The following MEF2D variants were observed in gnomAD, a reference collection of about 807,000 sequenced individuals.
MEF2D encodes the protein myocyte-specific enhancer factor 2D.
In MEF2D, 10 loss-of-function variants were observed where a neutral mutation model predicts 59.3. The ratio of observed to expected loss-of-function variants is 0.17; its 90% CI spans 0.10 to 0.29. The LOEUF is 0.29. Ranked by LOEUF, MEF2D falls within the 10% of genes least tolerant of loss-of-function variation. MEF2D has a pLI of 1.00. For synonymous variants in MEF2D, 305 were observed against 295.0 expected (o/e 1.03, Z -0.35); for missense variants, 508 against 699.4 (o/e 0.73, Z 3.09).
At chr1:156,469,120 G>A in intron 9 of MEF2D, 100 bp from the exon 10 acceptor site, 3 of 1,449,662 alleles carry the variant, frequency 2.1e-6, no homozygotes, top group Non-Finnish European at 2.8e-6. Context: ...TGAGGGGACA[G>A]GGAGTGTGTA....
At chr1:156,479,246 G>T (rs749600730) in intron 6 of MEF2D, 44 bp downstream of exon 6, 4 of 1,550,900 alleles carry the variant, frequency 2.6e-6, no homozygotes, top group Non-Finnish European at 2.6e-6. Flanking sequence ...GCCACTGAGC[G>T]GGCACCCCTC....
intron 1 of MEF2D, among the ~76,000 whole-genome samples, chr1:156,489,370 G>C (rs1485685767): frequency 6.6e-6 from 1 of 152,168 alleles, no homozygotes; most frequent in Non-Finnish European, 1.5e-5. Context: ...ACTAACGAGG[G>C]AGGAGGCGTG....
chr1:156,497,882 G>A (rs1249116057), intron 1 of MEF2D, among the ~76,000 whole-genome samples: 1 of 151,926 alleles, frequency 6.6e-6, no homozygotes, highest in Non-Finnish European at 1.5e-5. Context: ...GGGGGTATAA[G>A]AGCCAGGGAC....
rs144968477 is a variant in MEF2D, at chr1:156,469,712, A to T, written c.1007-692T>A. 7.9e-5 allele frequency among the ~76,000 whole-genome samples: 12 copies of T among 151,870 alleles called. No homozygotes were observed. In the East Asian group the frequency reaches 2.3e-3, roughly 30 times the overall value. On this transcript the variant is annotated intron_variant, in intron 9 of 11. Coordinates refer to ENST00000348159, the MANE Select transcript of MEF2D (RefSeq NM_005920.4). ...AGACCAGACTGGGCAACATAAGGAGACTCCATCTCTACAAATAGCTTAAAA... is the reference window on the plus strand; with the variant it reads ...AGACCAGACTGGGCAACATAAGGAGTCTCCATCTCTACAAATAGCTTAAAA...
rs567725405 is a variant in MEF2D, at chr1:156,498,610, C to G, written c.-139+1876G>C. On this transcript the variant is annotated intron_variant, in intron 1 of 11. Coordinates refer to ENST00000348159, the MANE Select transcript of MEF2D (RefSeq NM_005920.4). The stretch of plus-strand genomic sequence containing the variant: ...CCCTTCCTCCCTTCCCCCCTCCCCC[C>G]CTTCCCCCCAGAGAGACCAGAGACC... 5.9e-5 allele frequency among the ~76,000 whole-genome samples: 9 copies of G among 152,176 alleles called. No homozygotes were observed. In the South Asian group the frequency reaches 1.7e-3, roughly 28 times the overall value.
At position 156,467,627 on chromosome 1, in the gene MEF2D, G is replaced by T. The variant is rs2101968849; in HGVS notation, c.*18C>A. The T allele has an allele frequency of 7.6e-7, 1 of 1,321,820 alleles. No individual in the cohort carries two copies. Among genetic ancestry groups the T allele is most frequent in the East Asian group, 2.8e-5 (1 of 35,818 alleles). The allele number at this position is 1,321,820 out of a possible 1,614,324, so 81.9% of individuals were successfully genotyped here. A position where few individuals can be genotyped will look rare whatever the true frequency, so the allele number is the denominator to read the frequency against. On this transcript the variant is annotated 3_prime_UTR_variant, in exon 12 of 12. Coordinates refer to ENST00000348159, the MANE Select transcript of MEF2D (RefSeq NM_005920.4). ...CAACTCTTCATCAGGGAGGCTGAGA[G>T]GAGGGGAGTGGGAATCGTCACTTTA...
rs753072628 is a variant in MEF2D, at chr1:156,475,180, C to T, written c.934G>A (p.Val312Ile). 2 of 1,614,162 alleles carry T rather than the reference C, an allele frequency of 1.2e-6. No individual in the cohort carries two copies. The highest frequency in any genetic ancestry group is 2.2e-5 in the East Asian group (1 of 44,882). Residue 312 changes from valine to isoleucine, a missense_variant, in exon 9 of 12, where the codon GTT (valine) becomes ATT (isoleucine). Val to Ile is a conservative substitution (Grantham distance 29, BLOSUM62 3). Transcript: ENST00000348159. ...QSTHSLTTPV[V>I]SVATPSLLSQ... ...AGTAAACTCGGCGTTGCCACAGAAACCACTGGGGTGGTGAGCGAATGAGTA... is the reference window on the plus strand; with the variant it reads ...AGTAAACTCGGCGTTGCCACAGAAATCACTGGGGTGGTGAGCGAATGAGTA...
At chr1:156,486,549 C>T (rs535845687) in intron 1 of MEF2D, among the ~76,000 whole-genome samples, 20 of 152,328 alleles carry the variant, frequency 1.3e-4, no homozygotes, top group South Asian at 8.3e-4. Flanking sequence ...ACCTTTAGTT[C>T]ATAACCGAAT....
chr1:156,468,082 C>T lies in MEF2D; in HGVS notation c.1465G>A (p.Asp489Asn), dbSNP rs370914531. Residue 489 changes from aspartate to asparagine, a missense_variant, in exon 11 of 12, where the codon GAC becomes AAC. Around this residue, in one of 2 missense-constraint regions of MEF2D, gnomAD observed 481 missense variants for 584.7 expected, o/e 0.82. Transcript: ENST00000348159. The surrounding 1 kb of genome is among the most constrained non-coding windows in gnomAD (Gnocchi z 4.3). ...AGCAGGCCCAGTGTGGGCCCGAAGT[C>T]CCCCCGTCCGTCATCCCGGTCTCCC... ...ETGDRDDGRG[D>N]FGPTLGLLRP... 27 of 1,614,062 alleles carry T rather than the reference C, an allele frequency of 1.7e-5. No individual in the cohort carries two copies. Among genetic ancestry groups the T allele is most frequent in the East Asian group, 2.2e-5 (1 of 44,876 alleles).
chr1:156,482,903 A>C (rs1329873051), intron 2 of MEF2D, among the ~76,000 whole-genome samples: 2 of 152,206 alleles, frequency 1.3e-5, no homozygotes, highest in Non-Finnish European at 2.9e-5. Flanking sequence ...TCTGTGCTGG[A>C]GGCTATGAAG....
At chr1:156,490,069 C>A (rs1672684829) in intron 1 of MEF2D, among the ~76,000 whole-genome samples, 1 of 152,214 alleles carries the variant, frequency 6.6e-6, no homozygotes, top group African/African-American at 2.4e-5. Flanking sequence ...GTGGTTCACA[C>A]AGTGAGCTCT....
chr1:156,494,716 C>G (rs1673029173), intron 1 of MEF2D, among the ~76,000 whole-genome samples: 1 of 152,238 alleles, frequency 6.6e-6, no homozygotes, highest in East Asian at 1.9e-4. Context: ...AACTCCTTCC[C>G]TTCCCATGTG....
At chr1:156,485,036 G>A (rs1571252391) in intron 1 of MEF2D, among the ~76,000 whole-genome samples, 2 of 152,188 alleles carry the variant, frequency 1.3e-5, no homozygotes, top group South Asian at 2.1e-4. Context: ...GTCCTGGGAG[G>A]AGCCTGGACC....
chr1:156,479,938 G>T, intron 4 of MEF2D, 142 bp from the exon 5 acceptor site: 1 of 776,294 alleles, frequency 1.3e-6, no homozygotes, highest in Non-Finnish European at 2.0e-6. Context: ...CCTGCCCTGT[G>T]CCCTTGTGGA....
rs765106271 is a variant in MEF2D at position 156,468,243 on chromosome 1, T to A, written c.1304A>T (p.His435Leu). Residue 435 changes from histidine to leucine, a missense_variant, in exon 11 of 12, where the codon CAC (histidine) becomes CTC (leucine). Around this residue, in one of 2 missense-constraint regions of MEF2D, gnomAD observed 481 missense variants for 584.7 expected, o/e 0.82. Coordinates refer to ENST00000348159, the MANE Select transcript of MEF2D (RefSeq NM_005920.4). This position sits in a 1 kb window ranked among gnomAD's most constrained non-coding sequence, Gnocchi z 4.3. Reference sequence around the variant, plus strand: ...CACCGGTTCTGACTTGATGCTGATGTGGGGGTGGGTGGTGACTGTGAGGGC... The same window carrying A: ...CACCGGTTCTGACTTGATGCTGATGAGGGGGTGGGTGGTGACTGTGAGGGC... ...GAALTVTTHP[H>L]ISIKSEPVSP... The A allele has an allele frequency of 8.2e-6, 13 of 1,590,526 alleles. No homozygotes were observed. The Admixed American group carries it at 2.0e-4, about 25-fold the overall frequency.
intron 9 of MEF2D, among the ~76,000 whole-genome samples, chr1:156,472,559 T>C (rs2102018611): frequency 6.6e-6 from 1 of 152,322 alleles, no homozygotes; most frequent in East Asian, 1.9e-4. Context: ...TTTTTTTCCC[T>C]TTTTTTGAGA....
At chr1:156,497,297 C>T (rs1041582335) in intron 1 of MEF2D, among the ~76,000 whole-genome samples, 3 of 152,258 alleles carry the variant, frequency 2.0e-5, no homozygotes, top group South Asian at 2.1e-4. Flanking sequence ...AAGCCACCAG[C>T]AATTACAGTG....
Position 156,477,114 on chromosome 1 carries a change from A to C in MEF2D, c.753T>G (p.Ser251=), listed in dbSNP as rs536274303. ...GGGTGCTGTGGGTAGGTGGGGGTGG[A>C]GACTTGGCAGGGATGACCTTGTTTA... is the stretch of plus-strand genomic sequence containing the variant. ...NSLNKVIPAK[S]PPPPTHSTQL... is the part of the protein sequence containing the mutation. Residue 251 remains serine, a synonymous_variant, in exon 7 of 12, where the codon TCT becomes TCG. Coordinates refer to ENST00000348159, the MANE Select transcript of MEF2D (RefSeq NM_005920.4). 3 of 1,613,882 alleles carry C rather than the reference A, an allele frequency of 1.9e-6. No homozygotes were observed. The African/African-American group carries it at 4.0e-5, about 22-fold the overall frequency.
intron 1 of MEF2D, among the ~76,000 whole-genome samples, chr1:156,499,925 C>T (rs942372415): frequency 6.6e-6 from 1 of 152,148 alleles, no homozygotes; most frequent in African/African-American, 2.4e-5. Context: ...CCCACTACCC[C>T]GGTGTCATCT....
Sources: allele counts gnomAD v4.1 joint callset (sites outside exome capture counted in the v4.1 genomes callset), GRCh38; gene constraint gnomAD v4.1.1; regional missense constraint gnomAD v4.1.1; non-coding constraint Gnocchi (gnomAD v3.1); transcripts MANE v1.5; gene names NCBI Gene and HGNC (gene_info 2026-07-23, HGNC 2026-07-21).